The following RNLS variants were observed in gnomAD, a reference collection of about 807,000 sequenced individuals.
RNLS encodes the protein renalase, FAD dependent amine oxidase.
A neutral mutation model predicts 39.8 loss-of-function variants in RNLS; 39 were observed. That is an observed-to-expected ratio of 0.98 (90% confidence interval 0.76 to 1.28). RNLS has a LOEUF of 1.28. Among genes scored for constraint, RNLS ranks in the 50% most tolerant of loss-of-function variants. RNLS has a pLI of 0.00. For missense variants in RNLS, 410 were observed against 413.3 expected, an observed-to-expected ratio of 0.99 and a Z score of 0.07; for synonymous variants, 147 against 150.7, an observed-to-expected ratio of 0.98 and a Z score of 0.18.
At chr10:88,359,366 T>C (rs1316433644) in intron 5 of RNLS, among the ~76,000 whole-genome samples, 3 of 151,364 alleles carry the variant, frequency 2.0e-5, no homozygotes, top group Non-Finnish European at 4.4e-5. Flanking sequence ...TCAATATCAA[T>C]AAAATAGAGT....
At chr10:88,425,889 G>A (rs1854720169) in intron 4 of RNLS, among the ~76,000 whole-genome samples, 1 of 152,004 alleles carries the variant, frequency 6.6e-6, no homozygotes, top group African/African-American at 2.4e-5. Flanking sequence ...AAAACACAAA[G>A]TGTGTTTGGA....
At chr10:88,297,999 C>A (rs985112119) in intron 6 of RNLS, among the ~76,000 whole-genome samples, 3 of 152,038 alleles carry the variant, frequency 2.0e-5, no homozygotes, top group African/African-American at 7.2e-5. Context: ...ACTTATTATT[C>A]TGTATCTTGT....
At chr10:88,414,060 T>C (rs1853863401) in intron 4 of RNLS, among the ~76,000 whole-genome samples, 1 of 152,204 alleles carries the variant, frequency 6.6e-6, no homozygotes, top group Non-Finnish European at 1.5e-5. Flanking sequence ...CTAGTATACA[T>C]ACTTTCCATT....
chr10:88,425,884 A>G (rs975406577), intron 4 of RNLS, among the ~76,000 whole-genome samples: 2 of 152,066 alleles, frequency 1.3e-5, no homozygotes, highest in African/African-American at 4.8e-5. Flanking sequence ...ACAGGAAAAC[A>G]CAAAGTGTGT....
chr10:88,307,998 C>G (rs550958031), intron 6 of RNLS, among the ~76,000 whole-genome samples: 3 of 152,274 alleles, frequency 2.0e-5, no homozygotes, highest in Admixed American at 2.0e-4. Context: ...CTACAACTAT[C>G]TGATCTTTGA....
At chr10:88,575,774 A>G (rs1456127676) in intron 3 of RNLS, among the ~76,000 whole-genome samples, 2 of 149,034 alleles carry the variant, frequency 1.3e-5, no homozygotes, top group African/African-American at 5.0e-5. Flanking sequence ...CCTCTCTTGC[A>G]TAAAACCCTT....
chr10:88,333,401 A>G (rs1420661515), intron 5 of RNLS, among the ~76,000 whole-genome samples: 1 of 152,206 alleles, frequency 6.6e-6, no homozygotes, highest in African/African-American at 2.4e-5. Flanking sequence ...CAGGGTAACT[A>G]CTGTCAGTGG....
chr10:88,229,502 A>G, the RNLS span, among the ~76,000 whole-genome samples: 1 of 152,212 alleles, frequency 6.6e-6, no homozygotes, highest in African/African-American at 2.4e-5. Context: ...AATTACTAAC[A>G]GCTTCATTGA....
At chr10:88,404,780 G>C (rs756570469) in intron 4 of RNLS, among the ~76,000 whole-genome samples, 2 of 151,976 alleles carry the variant, frequency 1.3e-5, no homozygotes, top group Admixed American at 1.3e-4. Context: ...ATTCTACCTC[G>C]TTTATTCTTA....
the RNLS span, among the ~76,000 whole-genome samples, chr10:88,214,475 G>A: frequency 1.8e-3 from 261 of 143,286 alleles, 1 homozygote; most frequent in African/African-American, 6.5e-3. Context: ...CTCCAGCCTG[G>A]GTGACAGAGC....
At chr10:88,503,754 CAGGTAG>C (rs1177364000) in intron 4 of RNLS, among the ~76,000 whole-genome samples, 1 of 152,148 alleles carries the variant, frequency 6.6e-6, no homozygotes, top group Non-Finnish European at 1.5e-5. Context: ...CTCTTTTCAA[CAGGTAG>C]AGATTATTCC....
At chr10:88,320,110 C>T (rs114134605) in intron 5 of RNLS, among the ~76,000 whole-genome samples, 2,236 of 149,026 alleles carry the variant, frequency 0.015, 66 homozygotes, top group African/African-American at 0.052. Flanking sequence ...AGAAGCCTTA[C>T]AAGCAAGAAG....
At chr10:88,399,662 C>T (rs993801837) in intron 4 of RNLS, among the ~76,000 whole-genome samples, 2 of 151,852 alleles carry the variant, frequency 1.3e-5, no homozygotes, top group South Asian at 2.1e-4. Flanking sequence ...TTCTTTTTGA[C>T]GTGATGAAAA....
intron 4 of RNLS, among the ~76,000 whole-genome samples, chr10:88,431,192 T>C (rs7911996): frequency 0.7 from 105,580 of 151,366 alleles, 37,709 homozygotes; most frequent in African/African-American, 0.86. Flanking sequence ...TTTTTGAGTG[T>C]GCTTTGGTAA....
intron 6 of RNLS, among the ~76,000 whole-genome samples, chr10:88,291,416 T>C (rs910960053): frequency 6.6e-6 from 1 of 152,192 alleles, no homozygotes; most frequent in Non-Finnish European, 1.5e-5. Context: ...CCAAGTCTGG[T>C]TGTCTTCCCA....
chr10:88,202,407 C>A, the RNLS span, among the ~76,000 whole-genome samples: 2 of 152,084 alleles, frequency 1.3e-5, no homozygotes, highest in Non-Finnish European at 2.9e-5. Context: ...ATGTAACAAA[C>A]CTGCACGTTG....
chr10:88,450,095 T>TTA (rs1842282221), intron 4 of RNLS, among the ~76,000 whole-genome samples: 1 of 150,262 alleles, frequency 6.7e-6, no homozygotes, highest in Admixed American at 6.6e-5. Context: ...CATGTGGAAG[T>TTA]TATATAAGAA....
At chr10:88,175,819 A>G in the RNLS span, among the ~76,000 whole-genome samples, 1 of 152,188 alleles carries the variant, frequency 6.6e-6, no homozygotes, top group African/African-American at 2.4e-5. Context: ...GATGTGTTCA[A>G]TGCTGAAAGT....
At chr10:88,449,267 T>C (rs1271147946) in intron 4 of RNLS, among the ~76,000 whole-genome samples, 1 of 152,244 alleles carries the variant, frequency 6.6e-6, no homozygotes, top group East Asian at 1.9e-4. Context: ...CCTTCCTCTC[T>C]GATCACCAAA....
Sources: gnomAD v4.1 joint callset for allele counts (sites outside exome capture counted in the v4.1 genomes callset) on GRCh38, gnomAD v4.1.1 for gene constraint, MANE v1.5 for transcripts, NCBI Gene and HGNC (gene_info 2026-07-23, HGNC 2026-07-21) for gene names.